Variants in KIFAP3 observed in about 807,000 individuals in gnomAD.
KIFAP3 encodes kinesin-associated protein 3.
A neutral mutation model predicts 106.5 loss-of-function variants in KIFAP3; 68 were observed. That is an observed-to-expected ratio of 0.64 (90% CI 0.53 to 0.78). KIFAP3 has a LOEUF of 0.78. Ranked by LOEUF, KIFAP3 falls within the 30% of genes least tolerant of loss-of-function variation. The probability of loss-of-function intolerance (pLI) is 0.00; values close to 1 mark genes in which losing one functional copy is unlikely to be tolerated. For missense variants in KIFAP3, 780 were observed against 941.8 expected (o/e 0.83, Z 2.25); for synonymous variants, 320 against 311.5 (o/e 1.03, Z -0.29).
intron 19 of KIFAP3, among the ~76,000 whole-genome samples, chr1:169,940,911 ATGTGTGTGTGTGTGTGTGTGTG>A (rs3838394): frequency 5.4e-5 from 8 of 148,024 alleles, no homozygotes; most frequent in African/African-American, 9.9e-5. Flanking sequence ...TTTAAGAATT[ATGTGTGTGTGTGTGTGTGTGTG>A]TGTGTGTGTG....
rs67702185 is a variant in KIFAP3 at position 169,991,345 on chromosome 1, CAA to C, written c.1284+808_1284+809del. On this transcript the variant is annotated intron_variant, in intron 11 of 19. Transcript: ENST00000361580. The stretch of plus-strand genomic sequence containing the variant: ...TGGGCAACAGAGCAAGATCCTGTCT[CAA>C]AAAAAAAAAAGGAAGGAAGGAAGGA... 9.4e-4 allele frequency among the ~76,000 whole-genome samples: 130 copies of C among 138,716 alleles called. 1 individual carries two copies. Among genetic ancestry groups the C allele is most frequent in the South Asian group, 1.4e-3 (6 of 4,346 alleles). 91.0% of individuals were successfully genotyped at this position (138,716 alleles called of 152,430 possible). A position where few individuals can be genotyped will look rare whatever the true frequency, so the allele number is the denominator to read the frequency against.
chr1:169,969,566 T>C (rs1292740813), intron 17 of KIFAP3, among the ~76,000 whole-genome samples: 1 of 151,996 alleles, frequency 6.6e-6, no homozygotes, highest in Admixed American at 6.6e-5. Flanking sequence ...ATAAAAACAA[T>C]CTGCCCATGA....
At chr1:170,026,989 C>T (rs1418582940) in intron 8 of KIFAP3, among the ~76,000 whole-genome samples, 3 of 147,128 alleles carry the variant, frequency 2.0e-5, no homozygotes, top group Non-Finnish European at 3.0e-5. Flanking sequence ...CCACCTACAA[C>T]AATGTAAATT....
At chr1:169,984,528 T>C in intron 12 of KIFAP3, 54 bp downstream of exon 12, 1 of 749,918 alleles carries the variant, frequency 1.3e-6, no homozygotes, top group South Asian at 1.7e-5. Flanking sequence ...CTATTTTCCA[T>C]CATATACCAA....
At chr1:170,010,369 C>G (rs767368722) in intron 10 of KIFAP3, among the ~76,000 whole-genome samples, 19 of 151,730 alleles carry the variant, frequency 1.3e-4, no homozygotes, top group Non-Finnish European at 2.7e-4. Flanking sequence ...TTTTGTGTCT[C>G]TGGTGTTAAT....
intron 19 of KIFAP3, among the ~76,000 whole-genome samples, chr1:169,949,830 C>A (rs188434908): frequency 6.6e-6 from 1 of 152,054 alleles, no homozygotes. Context: ...GAAATCCTGG[C>A]GCCAAGAGGT....
chr1:170,040,115 T>C (rs1456160924), intron 3 of KIFAP3, among the ~76,000 whole-genome samples: 1 of 152,152 alleles, frequency 6.6e-6, no homozygotes, highest in Admixed American at 6.6e-5. Context: ...TATAAGCTCA[T>C]ACATTCTCAA....
intron 10 of KIFAP3, among the ~76,000 whole-genome samples, chr1:170,012,280 G>T (rs1429945519): frequency 6.6e-6 from 1 of 152,108 alleles, no homozygotes; most frequent in Non-Finnish European, 1.5e-5. Flanking sequence ...GCGTTCTGGG[G>T]CCATTTAGCA....
chr1:170,009,577 C>A (rs1479283541), intron 10 of KIFAP3, among the ~76,000 whole-genome samples: 4 of 152,142 alleles, frequency 2.6e-5, no homozygotes, highest in Admixed American at 6.6e-5. Context: ...ATCAAACAAT[C>A]CTCAGCTTAT....
intron 2 of KIFAP3, among the ~76,000 whole-genome samples, chr1:170,052,579 T>C (rs1463275096): frequency 2.0e-5 from 3 of 152,292 alleles, no homozygotes; most frequent in South Asian, 2.1e-4. Context: ...TGAACATCAA[T>C]GTGAAAATCA....
rs1028420027 is a variant in KIFAP3 at position 169,971,694 on chromosome 1, T to G, written c.1983+819A>C. ...GGATTTCCAACTAAGTTATTGATTTTTAAAAAAAAATGTTATTCTGATCTG... is the reference window on the plus strand; with the variant it reads ...GGATTTCCAACTAAGTTATTGATTTGTAAAAAAAAATGTTATTCTGATCTG... On this transcript the variant is annotated intron_variant, in intron 17 of 19. Transcript: ENST00000361580. 1.7e-4 allele frequency among the ~76,000 whole-genome samples: 26 copies of G among 151,984 alleles called. 1 individual carries two copies. Among genetic ancestry groups the G allele is most frequent in the Admixed American group, 2.6e-4 (4 of 15,206 alleles).
intron 19 of KIFAP3, among the ~76,000 whole-genome samples, chr1:169,927,226 T>A (rs1033382626): frequency 2.0e-5 from 3 of 152,176 alleles, no homozygotes; most frequent in African/African-American, 4.8e-5. Context: ...TGGTTAAGTA[T>A]AGTTTTTGAA....
In KIFAP3 at chr1:170,031,994, T is replaced by C. The variant is rs770565844; in HGVS notation, c.743-10A>G. On this transcript the variant is annotated splice_polypyrimidine_tract_variant and intron_variant, in intron 7 of 19. Coordinates refer to ENST00000361580, the MANE Select transcript of KIFAP3 (RefSeq NM_014970.4). ...TCAGGGTCTTCATCAAGTAAACAACTTGTTAAGGATCATCCATACTCATTG... is the reference window on the plus strand; with the variant it reads ...TCAGGGTCTTCATCAAGTAAACAACCTGTTAAGGATCATCCATACTCATTG... 2 of 1,545,580 alleles carry C rather than the reference T, an allele frequency of 1.3e-6. No individual in the cohort carries two copies. Among genetic ancestry groups the C allele is most frequent in the East Asian group, 2.3e-5 (1 of 44,364 alleles).
chr1:170,083,838 A>G (rs1672057364), intron 1 of KIFAP3, among the ~76,000 whole-genome samples: 1 of 152,228 alleles, frequency 6.6e-6, no homozygotes, highest in South Asian at 2.1e-4. Flanking sequence ...ATTGCCAAAG[A>G]TTATTGCAAG....
intron 11 of KIFAP3, chr1:169,990,142 A>G: frequency 6.6e-7 from 1 of 1,504,220 alleles, no homozygotes. Context: ...GCATATTTAC[A>G]AGAAGCACAG....
chr1:170,054,247 G>A (rs899741430), intron 2 of KIFAP3, among the ~76,000 whole-genome samples: 2 of 151,990 alleles, frequency 1.3e-5, no homozygotes, highest in South Asian at 4.1e-4. Flanking sequence ...ATGAAAAGAA[G>A]CTCATCATCG....
chr1:169,946,164 G>C (rs1034145929), intron 19 of KIFAP3, among the ~76,000 whole-genome samples: 1 of 152,010 alleles, frequency 6.6e-6, no homozygotes, highest in South Asian at 2.1e-4. Context: ...ATTTTTAAGA[G>C]GCATTTACCC....
chr1:170,009,816 A>G (rs887011804), intron 10 of KIFAP3, among the ~76,000 whole-genome samples: 3 of 152,180 alleles, frequency 2.0e-5, no homozygotes, highest in Non-Finnish European at 4.4e-5. Context: ...AAATGGCTTA[A>G]TAAGTTTTGA....
chr1:170,028,326 TTTTG>T (rs143857611), intron 8 of KIFAP3, among the ~76,000 whole-genome samples: 2,752 of 152,104 alleles, frequency 0.018, 68 homozygotes, highest in African/African-American at 0.062. Context: ...TTATACAGTT[TTTTG>T]TTTGTTTGTT....
Sources: allele counts gnomAD v4.1 joint callset (sites outside exome capture counted in the v4.1 genomes callset), GRCh38; gene constraint gnomAD v4.1.1; transcripts MANE v1.5; gene names NCBI Gene and HGNC (gene_info 2026-07-23, HGNC 2026-07-21).